Variants in SPATA13 observed in about 807,000 individuals in gnomAD.
The protein encoded by SPATA13 is spermatogenesis associated 13.
A neutral mutation model predicts 104.0 loss-of-function variants in SPATA13; 50 were observed. The ratio of observed to expected loss-of-function variants is 0.48; its 90% confidence interval spans 0.38 to 0.61. The LOEUF is 0.61. Ranked by LOEUF, SPATA13 falls within the 20% of genes least tolerant of loss-of-function variation. SPATA13 has a pLI of 0.00. For synonymous variants in SPATA13, 606 were observed against 667.5 expected (o/e 0.91, Z 1.42); for missense variants, 1,524 against 1,690.6 (o/e 0.90, Z 1.73).
In SPATA13 at chr13:24,122,248, C is replaced by G. The variant is rs189530174; in HGVS notation, c.-111-100571C>G. ...CTTCAGAAAGATGGTGAGTCAGAGC[C>G]TGATACCACACAGGATTACGATTTT... On this transcript the variant is annotated intron_variant, in intron 3 of 14. Transcript: ENST00000424834. 168 of 1,318,104 alleles carry G rather than the reference C, an allele frequency of 1.3e-4. 3 individuals are homozygous for G. In the East Asian group the frequency reaches 3.9e-3, roughly 30 times the overall value. The allele number at this position is 1,318,104 out of a possible 1,614,324, so 81.7% of individuals were successfully genotyped here.
At position 24,285,785 on chromosome 13, in the gene SPATA13, A is replaced by G. The variant is rs181723321; in HGVS notation, c.2302-429A>G. Among the ~76,000 whole-genome samples the G allele has an allele frequency of 1.4e-4, 21 of 150,638 alleles. No homozygotes were observed. In the East Asian group the frequency reaches 4.1e-3, roughly 30 times the overall value. On this transcript the variant is annotated intron_variant, in intron 5 of 12. Transcript: ENST00000382108. Reference sequence around the variant, plus strand: ...AACCTCCACCACCTGAGTTCAAGTGATTCTCCAGCCTCAGCCTCCCGAGTA... The same window carrying G: ...AACCTCCACCACCTGAGTTCAAGTGGTTCTCCAGCCTCAGCCTCCCGAGTA...
At chr13:24,240,455 G>A (rs929792634) in intron 2 of SPATA13, among the ~76,000 whole-genome samples, 2 of 152,034 alleles carry the variant, frequency 1.3e-5, no homozygotes, top group Non-Finnish European at 2.9e-5. Context: ...GTTGGTTTTG[G>A]GGTCACGGTG....
chr13:24,167,804 C>A (rs1425676210), intron 1 of SPATA13, among the ~76,000 whole-genome samples: 1 of 151,922 alleles, frequency 6.6e-6, no homozygotes, highest in Non-Finnish European at 1.5e-5. Flanking sequence ...AGTGTATAAT[C>A]TTTTTGTATT....
intron 11 of SPATA13, among the ~76,000 whole-genome samples, chr13:24,298,906 T>C (rs1014069983): frequency 2.0e-5 from 3 of 152,124 alleles, no homozygotes; most frequent in Non-Finnish European, 2.9e-5. Flanking sequence ...GGCCTGGACT[T>C]GGGCCACTCC....
At chr13:24,221,399 A>G (rs1223802672) in intron 1 of SPATA13, among the ~76,000 whole-genome samples, 1 of 152,168 alleles carries the variant, frequency 6.6e-6, no homozygotes, top group African/African-American at 2.4e-5. Context: ...TCCAGTAACT[A>G]TTTATTGAGA....
chr13:24,225,706 T>C (rs1473448526), intron 2 of SPATA13, among the ~76,000 whole-genome samples: 1 of 152,152 alleles, frequency 6.6e-6, no homozygotes, highest in African/African-American at 2.4e-5. Context: ...GTTATAGTGT[T>C]ACAACTTTAG....
chr13:24,228,309 G>A (rs1872069809), intron 2 of SPATA13, among the ~76,000 whole-genome samples: 1 of 152,002 alleles, frequency 6.6e-6, no homozygotes, highest in South Asian at 2.1e-4. Context: ...TAGAGACGGA[G>A]TTTTACCATG....
intron 3 of SPATA13, among the ~76,000 whole-genome samples, chr13:24,037,344 A>T (rs925906566): frequency 2.6e-5 from 4 of 151,972 alleles, no homozygotes; most frequent in Non-Finnish European, 5.9e-5. Context: ...CTAGAACTTA[A>T]AGTATAATTT....
intron 11 of SPATA13, 62 bp downstream of exon 11, chr13:24,297,797 C>A: frequency 6.5e-7 from 1 of 1,544,274 alleles, no homozygotes; most frequent in East Asian, 2.3e-5. Flanking sequence ...CTTCATTCTC[C>A]ACTCCCATGG....
At chr13:24,281,888 G>A (rs555835831) in intron 4 of SPATA13, among the ~76,000 whole-genome samples, 32 of 152,164 alleles carry the variant, frequency 2.1e-4, no homozygotes, top group East Asian at 1.9e-4. Flanking sequence ...CAAGAGCTCC[G>A]TGCATCACCA....
intron 3 of SPATA13, among the ~76,000 whole-genome samples, chr13:24,137,691 G>A (rs999103656): frequency 6.6e-6 from 1 of 152,248 alleles, no homozygotes; most frequent in East Asian, 1.9e-4. Flanking sequence ...CCTGGGGGGC[G>A]GAGGTTGCAG....
intron 4 of SPATA13, among the ~76,000 whole-genome samples, chr13:24,269,678 C>T (rs1031287819): frequency 1.3e-5 from 2 of 152,100 alleles, no homozygotes; most frequent in African/African-American, 4.8e-5. Flanking sequence ...AAGCAATCCT[C>T]CCACCTCAGC....
chr13:24,165,646 G>T (rs1014219663), intron 1 of SPATA13, among the ~76,000 whole-genome samples: 2 of 151,216 alleles, frequency 1.3e-5, no homozygotes, highest in Admixed American at 6.6e-5. Context: ...GTCTGGGACA[G>T]ATGCACGGGG....
At chr13:24,183,030 T>C (rs1410295030) in intron 1 of SPATA13, among the ~76,000 whole-genome samples, 23 of 152,174 alleles carry the variant, frequency 1.5e-4, no homozygotes, top group Admixed American at 1.5e-3. Context: ...TGCTTACATA[T>C]ATTCCTCATT....
At chr13:24,287,044 A>T (rs1398148962) in intron 7 of SPATA13, 94 bp downstream of exon 7, 1 of 899,250 alleles carries the variant, frequency 1.1e-6, no homozygotes, top group Non-Finnish European at 1.5e-6. Context: ...CCGCCCCCCC[A>T]TCAGGCTCCC....
chr13:24,290,125 G>A (rs1271559521), intron 8 of SPATA13, among the ~76,000 whole-genome samples: 1 of 152,196 alleles, frequency 6.6e-6, no homozygotes. Flanking sequence ...GTCTCACAGT[G>A]AGGACAGGGG....
intron 7 of SPATA13, among the ~76,000 whole-genome samples, chr13:24,287,714 T>C (rs771644863): frequency 1.3e-5 from 2 of 152,238 alleles, no homozygotes; most frequent in Admixed American, 6.5e-5. Flanking sequence ...TGTCATGCTA[T>C]TCTACTTGGC....
intron 3 of SPATA13, among the ~76,000 whole-genome samples, chr13:24,144,660 C>G (rs913260913): frequency 6.6e-6 from 1 of 151,354 alleles, no homozygotes; most frequent in African/African-American, 2.4e-5. Flanking sequence ...TTGCAGCACA[C>G]CAGCCCCGCT....
At chr13:24,217,550 T>A (rs1871323799) in intron 1 of SPATA13, among the ~76,000 whole-genome samples, 1 of 151,844 alleles carries the variant, frequency 6.6e-6, no homozygotes, top group Non-Finnish European at 1.5e-5. Context: ...CTCAGAGAGG[T>A]TAGTGGAGAA....
Sources: gnomAD v4.1 joint callset for allele counts (sites outside exome capture counted in the v4.1 genomes callset) on GRCh38, gnomAD v4.1.1 for gene constraint, MANE v1.5 for transcripts, NCBI Gene and HGNC (gene_info 2026-07-23, HGNC 2026-07-21) for gene names.